KATNBL1: variants seen among roughly 807,000 people sequenced by gnomAD.
KATNBL1 encodes katanin regulatory subunit B1 like 1.
Under a neutral mutation model 44.7 loss-of-function variants are expected in KATNBL1, and 28 were observed. That is an observed-to-expected ratio of 0.63 (90% CI 0.46 to 0.86). The LOEUF is 0.86. Ranked by LOEUF, KATNBL1 falls within the 40% of genes least tolerant of loss-of-function variation. The pLI, the probability that KATNBL1 is intolerant of heterozygous loss-of-function variation, is 0.00. For missense variants in KATNBL1, 272 were observed against 350.7 expected (o/e 0.78, Z 1.79); for synonymous variants, 78 against 114.9 (o/e 0.68, Z 2.06).
At chr15:34,182,144 C>T (rs556866648) in intron 1 of KATNBL1, among the ~76,000 whole-genome samples, 4 of 152,026 alleles carry the variant, frequency 2.6e-5, no homozygotes, top group Admixed American at 2.6e-4. Context: ...TGCCTATATT[C>T]TTAACGAATA....
intron 1 of KATNBL1, among the ~76,000 whole-genome samples, chr15:34,197,927 T>C (rs956996614): frequency 1.3e-5 from 2 of 152,096 alleles, no homozygotes; most frequent in African/African-American, 2.4e-5. Context: ...TTTTTATTTT[T>C]AGTAGAGACA....
At chr15:34,172,631 G>C (rs546057821) in intron 1 of KATNBL1, among the ~76,000 whole-genome samples, 3 of 152,140 alleles carry the variant, frequency 2.0e-5, no homozygotes, top group Admixed American at 2.0e-4. Flanking sequence ...TAATCTTTCT[G>C]CTTCTTGCCT....
intron 1 of KATNBL1, among the ~76,000 whole-genome samples, chr15:34,178,476 G>A (rs1230741047): frequency 1.3e-5 from 2 of 152,126 alleles, no homozygotes; most frequent in Non-Finnish European, 2.9e-5. Flanking sequence ...AATTTCAATG[G>A]GCCGGGCGTG....
intron 1 of KATNBL1, among the ~76,000 whole-genome samples, chr15:34,193,579 T>G (rs1347644664): frequency 6.6e-6 from 1 of 152,028 alleles, no homozygotes; most frequent in Non-Finnish European, 1.5e-5. Flanking sequence ...AGGCTGGGCA[T>G]GATAACTCAT....
In KATNBL1 at chr15:34,142,294, A is replaced by G. The variant is rs370751058; in HGVS notation, c.*45T>C. ...TTTTTTTTTGTAAATTATACAGTTCAGGGATGTTTTGAAAAACCAAATGCT... is the reference window on the plus strand; with the variant it reads ...TTTTTTTTTGTAAATTATACAGTTCGGGGATGTTTTGAAAAACCAAATGCT... On this transcript the variant is annotated 3_prime_UTR_variant, in exon 10 of 10. Transcript: ENST00000256544. 35 of 1,563,994 alleles carry G rather than the reference A, an allele frequency of 2.2e-5. No individual in the cohort carries two copies. Among genetic ancestry groups the G allele is most frequent in the Non-Finnish European group, 2.9e-5 (34 of 1,155,646 alleles).
At chr15:34,205,736 C>G (rs1595371027) in intron 1 of KATNBL1, among the ~76,000 whole-genome samples, 1 of 152,206 alleles carries the variant, frequency 6.6e-6, no homozygotes, top group African/African-American at 2.4e-5. Context: ...CCCATTCCTT[C>G]ATTTCTTCAC....
rs183333529 is a variant in KATNBL1, at chr15:34,142,311, C to G, written c.*28G>C. 6.3e-7 allele frequency: 1 copy of G among 1,579,064 alleles called. No individual in the cohort carries two copies. The highest frequency in any genetic ancestry group is 1.2e-5 in the South Asian group (1 of 85,776). ...TACAGTTCAGGGATGTTTTGAAAAACCAAATGCTCTTTAGTAGATGAAATC... is the reference window on the plus strand; with the variant it reads ...TACAGTTCAGGGATGTTTTGAAAAAGCAAATGCTCTTTAGTAGATGAAATC... On this transcript the variant is annotated 3_prime_UTR_variant, in exon 10 of 10. Coordinates refer to ENST00000256544, the MANE Select transcript of KATNBL1 (RefSeq NM_024713.3).
intron 3 of KATNBL1, 89 bp downstream of exon 3, chr15:34,154,555 T>A: frequency 1.2e-6 from 1 of 803,958 alleles, no homozygotes; most frequent in Non-Finnish European, 2.1e-6. Flanking sequence ...ATTATTATTA[T>A]GATAAAAGAA....
intron 2 of KATNBL1, among the ~76,000 whole-genome samples, chr15:34,158,556 T>C (rs933113561): frequency 1.2e-4 from 18 of 152,296 alleles, no homozygotes; most frequent in Admixed American, 1.0e-3. Flanking sequence ...CTGGAGGTTA[T>C]CTAATACTTG....
At chr15:34,148,501 C>A in intron 5 of KATNBL1, 131 bp downstream of exon 5, 1 of 568,742 alleles carries the variant, frequency 1.8e-6, no homozygotes, top group Non-Finnish European at 3.2e-6. Context: ...GGTGGGAGGG[C>A]TGCTTGAACT....
chr15:34,190,367 C>T (rs532376763), intron 1 of KATNBL1, among the ~76,000 whole-genome samples: 9 of 152,270 alleles, frequency 5.9e-5, no homozygotes, highest in East Asian at 3.9e-4. Flanking sequence ...TTACTAAAAA[C>T]GCAGAAGCAG....
chr15:34,172,212 A>G (rs985876713), intron 1 of KATNBL1, among the ~76,000 whole-genome samples: 19 of 149,458 alleles, frequency 1.3e-4, no homozygotes, highest in Middle Eastern at 7.0e-3. Flanking sequence ...AACGAGTTTT[A>G]TTCTCTAGAA....
chr15:34,203,196 C>G (rs76636311), intron 1 of KATNBL1, among the ~76,000 whole-genome samples: 15,622 of 151,906 alleles, frequency 0.1, 1,048 homozygotes, highest in Non-Finnish European at 0.15. Context: ...TAAACGGAAC[C>G]ATCCTCCTTC....
intron 1 of KATNBL1, among the ~76,000 whole-genome samples, chr15:34,201,608 G>T (rs1172974868): frequency 1.3e-5 from 2 of 152,190 alleles, no homozygotes; most frequent in East Asian, 3.8e-4. Flanking sequence ...CCTAGAAGTA[G>T]ATGGTTATGA....
chr15:34,154,882 A>G (rs183761618), intron 2 of KATNBL1, 198 bp from the exon 3 acceptor site: 60 of 581,848 alleles, frequency 1.0e-4, no homozygotes, highest in Admixed American at 9.4e-4. Flanking sequence ...GCTAGTCCCT[A>G]CTACTGTGTC....
chr15:34,200,837 A>G (rs553499489), intron 1 of KATNBL1, among the ~76,000 whole-genome samples: 1 of 151,182 alleles, frequency 6.6e-6, no homozygotes. Flanking sequence ...TTGTTTTTTG[A>G]GACAGCGTCT....
intron 2 of KATNBL1, among the ~76,000 whole-genome samples, chr15:34,161,557 C>A (rs748371080): frequency 6.6e-6 from 1 of 152,202 alleles, no homozygotes; most frequent in Non-Finnish European, 1.5e-5. Flanking sequence ...GGAGTGGTTG[C>A]AAAAGCACAC....
At chr15:34,181,853 G>GTCCATATATATATA (rs1889572034) in intron 1 of KATNBL1, among the ~76,000 whole-genome samples, 1 of 75,016 alleles carries the variant, frequency 1.3e-5, no homozygotes, top group Non-Finnish European at 2.5e-5. Flanking sequence ...CATATATATA[G>GTCCATATATATATA]TCCATATATA....
At chr15:34,181,690 CCATATATATATCCATATATATGGA>C (rs1889546275) in intron 1 of KATNBL1, among the ~76,000 whole-genome samples, 1 of 38,486 alleles carries the variant, frequency 2.6e-5, no homozygotes, top group African/African-American at 8.7e-5. Flanking sequence ...ATATATATGT[CCATATATATATCCATATATATGGA>C]CATATATATG....
Sources: allele counts gnomAD v4.1 joint callset (sites outside exome capture counted in the v4.1 genomes callset), GRCh38; gene constraint gnomAD v4.1.1; transcripts MANE v1.5; gene names NCBI Gene and HGNC (gene_info 2026-07-23, HGNC 2026-07-21).